The following BNC2 variants were observed in gnomAD, a reference collection of about 807,000 sequenced individuals.
BNC2 encodes basonuclin zinc finger protein 2.
A neutral mutation model predicts 76.3 loss-of-function variants in BNC2; 20 were observed. That is an observed-to-expected ratio of 0.26 (90% CI 0.18 to 0.38). The LOEUF (loss-of-function observed/expected upper bound fraction) is 0.38, where lower values mean the gene tolerates loss of function less well. BNC2 is among the 10% of genes least tolerant of loss of function. The pLI is 1.00. For missense variants in BNC2, 1,382 were observed against 1,399.8 expected (o/e 0.99, Z 0.20); for synonymous variants, 582 against 514.8 (o/e 1.13, Z -1.77).
intron 5 of BNC2, among the ~76,000 whole-genome samples, chr9:16,512,691 T>C (rs1253419744): frequency 6.6e-6 from 1 of 152,230 alleles, no homozygotes; most frequent in Non-Finnish European, 1.5e-5. Context: ...AAGGGGTTTC[T>C]ATAAAAAACT....
rs915472920 is a variant in BNC2, at chr9:16,417,281, C to G, written c.*1708G>C. The G allele has an allele frequency of 2.0e-5, 3 of 152,574 alleles. No homozygotes were observed. Among genetic ancestry groups the G allele is most frequent in the African/African-American group, 7.2e-5 (3 of 41,436 alleles). 9.5% of individuals were successfully genotyped at this position (152,574 alleles called of 1,614,324 possible). A position where few individuals can be genotyped will look rare whatever the true frequency, so the allele number is the denominator to read the frequency against. On this transcript the variant is annotated 3_prime_UTR_variant, in exon 7 of 7. Coordinates refer to ENST00000380672, the MANE Select transcript of BNC2 (RefSeq NM_017637.6). ...TAGCTGAGGCTGCCGATGTGGTTAA[C>G]CAGCTCAGGCAACATGTGTAAACAT...
intron 5 of BNC2, among the ~76,000 whole-genome samples, chr9:16,476,478 C>T (rs575587647): frequency 3.9e-4 from 59 of 151,916 alleles, no homozygotes; most frequent in African/African-American, 1.3e-3. Flanking sequence ...TCCTTCAGAC[C>T]TCTGCTCAAA....
rs534092992 is a variant in BNC2, at chr9:16,517,799, T to C, written c.669+34731A>G. 3.3e-4 allele frequency among the ~76,000 whole-genome samples: 50 copies of C among 152,226 alleles called. 1 individual carries two copies. The South Asian group carries it at 0.01, about 31-fold the overall frequency. ...AAATTGTAGGTTCCATGTAACCATATACATTTTTATTTCTAAAGCAGGGTG... is the reference window on the plus strand; with the variant it reads ...AAATTGTAGGTTCCATGTAACCATACACATTTTTATTTCTAAAGCAGGGTG... On this transcript the variant is annotated intron_variant, in intron 5 of 6. Coordinates refer to ENST00000380672, the MANE Select transcript of BNC2 (RefSeq NM_017637.6).
intron 4 of BNC2, among the ~76,000 whole-genome samples, chr9:16,554,187 T>C (rs1281891450): frequency 1.3e-5 from 2 of 152,216 alleles, no homozygotes; most frequent in Non-Finnish European, 2.9e-5. Flanking sequence ...TACACGTGCA[T>C]TCTCAGCAAC....
At chr9:16,731,679 T>G (rs1278634783) in intron 2 of BNC2, among the ~76,000 whole-genome samples, 1 of 152,156 alleles carries the variant, frequency 6.6e-6, no homozygotes, top group Non-Finnish European at 1.5e-5. Flanking sequence ...TAAAAAGAAA[T>G]CTTTATTTTC....
At chr9:16,511,010 G>T (rs537618828) in intron 5 of BNC2, among the ~76,000 whole-genome samples, 1 of 152,034 alleles carries the variant, frequency 6.6e-6, no homozygotes, top group African/African-American at 2.4e-5. Context: ...TCCACAAAAG[G>T]CAGAGAGAAG....
At chr9:16,763,171 C>T (rs1387262570) in intron 1 of BNC2, among the ~76,000 whole-genome samples, 1 of 152,154 alleles carries the variant, frequency 6.6e-6, no homozygotes, top group African/African-American at 2.4e-5. Context: ...ACCTTGTTAG[C>T]AAAGGGCTCC....
At chr9:16,728,685 C>T (rs533623988) in intron 2 of BNC2, among the ~76,000 whole-genome samples, 1 of 151,490 alleles carries the variant, frequency 6.6e-6, no homozygotes, top group Non-Finnish European at 1.5e-5. Flanking sequence ...TCCTAAATAA[C>T]GTACATAGAG....
intron 5 of BNC2, among the ~76,000 whole-genome samples, chr9:16,463,281 C>CA (rs1821624618): frequency 6.9e-6 from 1 of 145,200 alleles, no homozygotes; most frequent in Non-Finnish European, 1.5e-5. Flanking sequence ...TGTGAGCATA[C>CA]AAGTATTAAA....
chr9:16,523,493 CA>C (rs753945820), intron 5 of BNC2, among the ~76,000 whole-genome samples: 18 of 120,180 alleles, frequency 1.5e-4, no homozygotes, highest in African/African-American at 1.0e-3. Flanking sequence ...AAAAACAAAA[CA>C]AAAAAAAACA....
intron 1 of BNC2, among the ~76,000 whole-genome samples, chr9:16,793,648 C>CTTTTTTTT (rs71327860): frequency 1.8e-4 from 10 of 55,822 alleles, no homozygotes; most frequent in African/African-American, 4.4e-4. Context: ...CCTTCCACAT[C>CTTTTTTTT]TTTTTTTTTT....
intron 4 of BNC2, among the ~76,000 whole-genome samples, chr9:16,581,355 C>T (rs1297995298): frequency 3.3e-5 from 5 of 152,142 alleles, no homozygotes; most frequent in Non-Finnish European, 7.3e-5. Flanking sequence ...GTCGGGAGTT[C>T]GAGACCAGCC....
At chr9:16,627,624 A>G (rs1821035777) in intron 3 of BNC2, among the ~76,000 whole-genome samples, 1 of 152,138 alleles carries the variant, frequency 6.6e-6, no homozygotes, top group Non-Finnish European at 1.5e-5. Flanking sequence ...AGTCTGCTTG[A>G]TCATGTGTAG....
intron 3 of BNC2, among the ~76,000 whole-genome samples, chr9:16,602,853 C>T (rs961218339): frequency 6.6e-6 from 1 of 152,168 alleles, no homozygotes; most frequent in Non-Finnish European, 1.5e-5. Flanking sequence ...GGATTTTTAT[C>T]ATTTGATGCT....
intron 3 of BNC2, among the ~76,000 whole-genome samples, chr9:16,632,412 A>G (rs191984737): frequency 1.6e-5 from 2 of 124,144 alleles, no homozygotes; most frequent in East Asian, 4.2e-4. Flanking sequence ...CTGATGGCTA[A>G]GAAAGACTAA....
At chr9:16,664,217 G>C (rs1405126997) in intron 3 of BNC2, among the ~76,000 whole-genome samples, 1 of 152,136 alleles carries the variant, frequency 6.6e-6, no homozygotes, top group Non-Finnish European at 1.5e-5. Context: ...CCACGTTATT[G>C]ATTTCCTAAA....
chr9:16,421,404 C>A (rs964427263), intron 6 of BNC2: 1 of 651,412 alleles, frequency 1.5e-6, no homozygotes, highest in Non-Finnish European at 2.3e-6. Flanking sequence ...TTTTGAAAAA[C>A]TTAAACAATA....
chr9:16,585,285 T>C (rs1587201633), intron 3 of BNC2, among the ~76,000 whole-genome samples: 1 of 152,170 alleles, frequency 6.6e-6, no homozygotes, highest in African/African-American at 2.4e-5. Flanking sequence ...ATGATTCAAA[T>C]ATTTTGTCTT....
intron 1 of BNC2, among the ~76,000 whole-genome samples, chr9:16,837,715 C>T (rs1228345249): frequency 6.6e-6 from 1 of 152,166 alleles, no homozygotes; most frequent in Non-Finnish European, 1.5e-5. Context: ...GTATATAAGA[C>T]AGGTATTCTT....
Sources: allele counts gnomAD v4.1 joint callset (sites outside exome capture counted in the v4.1 genomes callset), GRCh38; gene constraint gnomAD v4.1.1; transcripts MANE v1.5; gene names NCBI Gene and HGNC (gene_info 2026-07-23, HGNC 2026-07-21).